The following NEBL variants were observed in gnomAD, a reference collection of about 807,000 sequenced individuals.
NEBL encodes LIM and SH3 protein 2.
A neutral mutation model predicts 140.2 loss-of-function variants in NEBL; 122 were observed. The ratio of observed to expected loss-of-function variants is 0.87; its 90% CI spans 0.75 to 1.01. NEBL has a LOEUF of 1.01. Among genes scored for constraint, NEBL ranks in the 50% least tolerant of loss-of-function variants. The pLI is 0.00. For synonymous variants in NEBL, 436 were observed against 398.9 expected, an observed-to-expected ratio of 1.09 and a Z score of -1.11; for missense variants, 1,365 against 1,231.3, an observed-to-expected ratio of 1.11 and a Z score of -1.62.
chr10:20,857,601 C>A (rs184913143), intron 9 of NEBL, among the ~76,000 whole-genome samples: 4 of 152,096 alleles, frequency 2.6e-5, no homozygotes, highest in African/African-American at 7.2e-5. Flanking sequence ...CGAGAGCTAG[C>A]GAAGTCAGGG....
chr10:21,019,680 G>C (rs1427386379), intron 3 of NEBL, among the ~76,000 whole-genome samples: 1 of 152,212 alleles, frequency 6.6e-6, no homozygotes, highest in Non-Finnish European at 1.5e-5. Flanking sequence ...TATGAACAAA[G>C]TGACAGGAGG....
chr10:21,032,752 G>T (rs955774805), intron 2 of NEBL, among the ~76,000 whole-genome samples: 1 of 152,086 alleles, frequency 6.6e-6, no homozygotes, highest in Non-Finnish European at 1.5e-5. Context: ...CCAAACCCCT[G>T]GCTCTCTAAA....
At chr10:20,954,010 C>A (rs1331503574) in intron 4 of NEBL, among the ~76,000 whole-genome samples, 1 of 124,420 alleles carries the variant, frequency 8.0e-6, no homozygotes. Context: ...GATGGGATGG[C>A]AAACTCTTCT....
chr10:20,874,610 T>A (rs1398297699), intron 5 of NEBL, among the ~76,000 whole-genome samples: 1 of 152,184 alleles, frequency 6.6e-6, no homozygotes, highest in African/African-American at 2.4e-5. Flanking sequence ...TCCAGCCCAC[T>A]TATGCCTGAA....
intron 25 of NEBL, among the ~76,000 whole-genome samples, chr10:20,809,144 G>A (rs987805272): frequency 1.3e-5 from 2 of 152,126 alleles, no homozygotes; most frequent in South Asian, 2.1e-4. Flanking sequence ...TAAATATAGA[G>A]TAGAAATCAG....
chr10:20,860,056 A>G (rs754881113), intron 7 of NEBL, among the ~76,000 whole-genome samples: 21 of 152,142 alleles, frequency 1.4e-4, no homozygotes, highest in Admixed American at 3.3e-4. Flanking sequence ...CTCAAATCCT[A>G]TTAATGAGAA....
chr10:21,024,526 G>A (rs1206934266), intron 2 of NEBL, among the ~76,000 whole-genome samples: 4 of 149,416 alleles, frequency 2.7e-5, no homozygotes, highest in African/African-American at 7.3e-5. Flanking sequence ...AAAAAAAGAA[G>A]GCTTAACTAT....
At chr10:21,233,867 A>G (rs1321286375) in intron 3 of NEBL, among the ~76,000 whole-genome samples, 1 of 134,612 alleles carries the variant, frequency 7.4e-6, no homozygotes, top group Non-Finnish European at 1.6e-5. Flanking sequence ...GATATATATT[A>G]CATATATATG....
chr10:21,099,544 T>C (rs1045222583), intron 2 of NEBL, among the ~76,000 whole-genome samples: 1 of 152,210 alleles, frequency 6.6e-6, no homozygotes, highest in Admixed American at 6.5e-5. Flanking sequence ...TTTATTTATT[T>C]CATCTTGACT....
At chr10:21,183,082 T>C (rs1417533637) in intron 3 of NEBL, among the ~76,000 whole-genome samples, 1 of 151,988 alleles carries the variant, frequency 6.6e-6, no homozygotes, top group Non-Finnish European at 1.5e-5. Context: ...CTCTGAAGGG[T>C]TCCAGGCAGG....
chr10:20,876,964 A>C (rs1564411596), intron 5 of NEBL, among the ~76,000 whole-genome samples: 2 of 152,250 alleles, frequency 1.3e-5, no homozygotes, highest in South Asian at 4.1e-4. Context: ...TTCTGATTAT[A>C]GTATTAATAA....
At chr10:21,095,980 A>C (rs1310913344) in intron 2 of NEBL, among the ~76,000 whole-genome samples, 1 of 152,230 alleles carries the variant, frequency 6.6e-6, no homozygotes, top group Non-Finnish European at 1.5e-5. Flanking sequence ...TGAAAAAGTT[A>C]GACCAGATTA....
chr10:21,187,981 C>T (rs1380068780), intron 3 of NEBL, among the ~76,000 whole-genome samples: 1 of 152,054 alleles, frequency 6.6e-6, no homozygotes, highest in African/African-American at 2.4e-5. Context: ...AAAACTAGGC[C>T]CCTCTGGAGT....
At chr10:21,272,704 GTA>G (rs1450020317) in intron 1 of NEBL, among the ~76,000 whole-genome samples, 1 of 152,158 alleles carries the variant, frequency 6.6e-6, no homozygotes, top group Non-Finnish European at 1.5e-5. Flanking sequence ...TGTAAATTGA[GTA>G]TATTAATAGC....
chr10:21,116,122 A>T (rs979059293), intron 2 of NEBL, among the ~76,000 whole-genome samples: 10 of 151,602 alleles, frequency 6.6e-5, no homozygotes, highest in African/African-American at 2.4e-4. Context: ...TTTCCTCTAC[A>T]TACTTGAACA....
intron 2 of NEBL, among the ~76,000 whole-genome samples, chr10:21,249,268 C>T (rs575170627): frequency 6.6e-6 from 1 of 152,256 alleles, no homozygotes; most frequent in South Asian, 2.1e-4. Context: ...GGATATTAAT[C>T]CTTTATGAGA....
intron 2 of NEBL, among the ~76,000 whole-genome samples, chr10:20,890,518 GCA>G (rs1288337926): frequency 3.3e-5 from 5 of 152,166 alleles, no homozygotes; most frequent in African/African-American, 1.2e-4. Context: ...CAATTTATGA[GCA>G]CCCATAGGCT....
intron 2 of NEBL, among the ~76,000 whole-genome samples, chr10:21,044,312 G>A (rs917152263): frequency 5.5e-5 from 8 of 144,854 alleles, no homozygotes; most frequent in African/African-American, 1.3e-4. Flanking sequence ...CAGGAGAATC[G>A]CTTGAACCCG....
intron 4 of NEBL, among the ~76,000 whole-genome samples, chr10:20,940,820 A>C (rs1383636337): frequency 6.6e-6 from 1 of 152,202 alleles, no homozygotes; most frequent in South Asian, 2.1e-4. Flanking sequence ...CTACGCAAAT[A>C]AACTAGAAAA....
Sources: gnomAD v4.1 joint callset for allele counts (sites outside exome capture counted in the v4.1 genomes callset) on GRCh38, gnomAD v4.1.1 for gene constraint, MANE v1.5 for transcripts, NCBI Gene and HGNC (gene_info 2026-07-23, HGNC 2026-07-21) for gene names.